Variants in PRKD1 observed in about 807,000 individuals in gnomAD.
PRKD1 encodes serine/threonine-protein kinase D1.
In PRKD1, 63 loss-of-function variants were observed where a neutral mutation model predicts 95.9. The observed-to-expected ratio is 0.66, with a 90% CI of 0.54 to 0.81. The LOEUF (loss-of-function observed/expected upper bound fraction) is 0.81. Ranked by LOEUF, PRKD1 falls within the 30% of genes least tolerant of loss-of-function variation. The pLI is 0.00. For synonymous variants in PRKD1, 425 were observed against 423.1 expected (o/e 1.00, Z -0.05); for missense variants, 1,048 against 1,165.3 (o/e 0.90, Z 1.47).
chr14:29,824,529 A>G (rs543130390), intron 1 of PRKD1, among the ~76,000 whole-genome samples: 20 of 152,278 alleles, frequency 1.3e-4, no homozygotes, highest in Admixed American at 1.2e-3. Context: ...TAGAATCAAC[A>G]TCATTTTCTA....
chr14:29,899,529 C>T (rs968621692), intron 1 of PRKD1, among the ~76,000 whole-genome samples: 1 of 152,124 alleles, frequency 6.6e-6, no homozygotes, highest in Admixed American at 6.5e-5. Flanking sequence ...CGCCTATAAT[C>T]CCAGCTACTC....
At chr14:29,837,459 T>C (rs921776625) in intron 1 of PRKD1, among the ~76,000 whole-genome samples, 2 of 152,184 alleles carry the variant, frequency 1.3e-5, no homozygotes, top group Admixed American at 6.5e-5. Flanking sequence ...AGAAGCTTAC[T>C]ATTTAACACT....
intron 1 of PRKD1, among the ~76,000 whole-genome samples, chr14:29,807,082 C>T (rs1890267153): frequency 1.3e-5 from 2 of 152,106 alleles, no homozygotes; most frequent in Admixed American, 6.5e-5. Context: ...TGCTGACAAT[C>T]GTCTCCAGTG....
chr14:29,845,391 C>T (rs1439098023), intron 1 of PRKD1, among the ~76,000 whole-genome samples: 1 of 152,132 alleles, frequency 6.6e-6, no homozygotes, highest in Non-Finnish European at 1.5e-5. Context: ...AAGCACACTA[C>T]CAATATGACT....
intron 1 of PRKD1, among the ~76,000 whole-genome samples, chr14:29,825,056 G>T (rs1217487000): frequency 2.0e-5 from 3 of 151,940 alleles, no homozygotes; most frequent in South Asian, 2.1e-4. Context: ...TTTTTATTGG[G>T]TATAAAAATT....
At chr14:29,845,893 C>T (rs1467668223) in intron 1 of PRKD1, among the ~76,000 whole-genome samples, 1 of 152,072 alleles carries the variant, frequency 6.6e-6, no homozygotes, top group Non-Finnish European at 1.5e-5. Context: ...CAGTATGTTG[C>T]TTAAAATTTA....
chr14:29,767,752 A>C (rs930378430), intron 1 of PRKD1, among the ~76,000 whole-genome samples: 1 of 152,154 alleles, frequency 6.6e-6, no homozygotes, highest in Non-Finnish European at 1.5e-5. Context: ...GTCAACAAAC[A>C]CCTCAGAATC....
intron 16 of PRKD1, among the ~76,000 whole-genome samples, chr14:29,578,998 T>G (rs1038267189): frequency 6.6e-6 from 1 of 152,034 alleles, no homozygotes; most frequent in African/African-American, 2.4e-5. Context: ...ATAGACTTTC[T>G]AGAGGAAGAC....
At position 29,619,509 on chromosome 14, in the gene PRKD1, G is replaced by T. The variant is rs146493264; in HGVS notation, c.1905+4643C>A. ...ATTAGTAAACAAATCAATGTTAACT[G>T]TCCCCCTGAAGTGTGTATTCTAGTG... On this transcript the variant is annotated intron_variant, in intron 13 of 17. Transcript: ENST00000331968. 2.2e-3 allele frequency among the ~76,000 whole-genome samples: 332 copies of T among 152,268 alleles called. 2 individuals carry two copies. Among genetic ancestry groups the T allele is most frequent in the African/African-American group, 7.7e-3 (319 of 41,546 alleles).
At chr14:29,671,507 A>C (rs1461228263) in intron 2 of PRKD1, among the ~76,000 whole-genome samples, 1 of 152,218 alleles carries the variant, frequency 6.6e-6, no homozygotes, top group South Asian at 2.1e-4. Context: ...ACTCAGAAAT[A>C]AATAGTTTAA....
intron 4 of PRKD1, among the ~76,000 whole-genome samples, chr14:29,658,101 A>C: frequency 6.6e-6 from 1 of 152,202 alleles, no homozygotes; most frequent in East Asian, 1.9e-4. Flanking sequence ...CAATTTCCAA[A>C]GTAAAGTATT....
intron 9 of PRKD1, among the ~76,000 whole-genome samples, chr14:29,632,109 T>C (rs1224131472): frequency 6.6e-6 from 1 of 152,182 alleles, no homozygotes; most frequent in Non-Finnish European, 1.5e-5. Flanking sequence ...CCAATAGTCA[T>C]CATTTTTAAG....
intron 1 of PRKD1, among the ~76,000 whole-genome samples, chr14:29,765,252 A>G (rs1888206197): frequency 6.6e-6 from 1 of 152,236 alleles, no homozygotes; most frequent in African/African-American, 2.4e-5. Flanking sequence ...TAAACACTTC[A>G]CAAAAGAGGG....
intron 1 of PRKD1, among the ~76,000 whole-genome samples, chr14:29,903,297 G>T (rs1466140793): frequency 6.6e-6 from 1 of 152,138 alleles, no homozygotes; most frequent in African/African-American, 2.4e-5. Flanking sequence ...AAATCATTCT[G>T]CATTTCATTA....
chr14:29,888,167 T>A (rs1893801452), intron 1 of PRKD1, among the ~76,000 whole-genome samples: 1 of 152,030 alleles, frequency 6.6e-6, no homozygotes, highest in East Asian at 1.9e-4. Flanking sequence ...TAGGCAGGCA[T>A]GTTGGCATGT....
At chr14:29,700,925 C>T (rs1277877781) in intron 2 of PRKD1, among the ~76,000 whole-genome samples, 1 of 135,296 alleles carries the variant, frequency 7.4e-6, no homozygotes, top group Non-Finnish European at 1.6e-5. Context: ...CTCGCTCTCT[C>T]GCTGTCTCCC....
intron 1 of PRKD1, among the ~76,000 whole-genome samples, chr14:29,892,181 T>C (rs1893960068): frequency 6.6e-6 from 1 of 152,208 alleles, no homozygotes; most frequent in Non-Finnish European, 1.5e-5. Context: ...TTCCTTCATT[T>C]TAGCACCCAT....
At chr14:29,906,435 TGCCCAGGCAGGAAGATCGCTTGA>T (rs1306115336) in intron 1 of PRKD1, among the ~76,000 whole-genome samples, 1 of 151,740 alleles carries the variant, frequency 6.6e-6, no homozygotes, top group Non-Finnish European at 1.5e-5. Context: ...GCTACTGGGA[TGCCCAGGCAGGAAGATCGCTTGA>T]GCCCAGGAGG....
intron 2 of PRKD1, among the ~76,000 whole-genome samples, chr14:29,680,641 G>A (rs1030726582): frequency 6.6e-6 from 1 of 152,144 alleles, no homozygotes; most frequent in African/African-American, 2.4e-5. Flanking sequence ...TGAAGGGAAA[G>A]CCCAAGTTTT....
Sources: gnomAD v4.1 joint callset for allele counts (sites outside exome capture counted in the v4.1 genomes callset) on GRCh38, gnomAD v4.1.1 for gene constraint, MANE v1.5 for transcripts, NCBI Gene and HGNC (gene_info 2026-07-23, HGNC 2026-07-21) for gene names.